Variants in SPOCK3 observed in about 807,000 individuals in gnomAD.
SPOCK3 encodes the protein testican-3.
SPOCK3 carries 30 observed loss-of-function variants against 56.6 expected under a neutral mutation model. The observed-to-expected ratio is 0.53, with a 90% CI of 0.40 to 0.72. The LOEUF (loss-of-function observed/expected upper bound fraction) is 0.72. Among genes scored for constraint, SPOCK3 ranks in the 30% least tolerant of loss-of-function variants. SPOCK3 has a pLI of 0.00. For synonymous variants in SPOCK3, 196 were observed against 183.3 expected, an observed-to-expected ratio of 1.07 and a Z score of -0.56; for missense variants, 527 against 530.0, an observed-to-expected ratio of 0.99 and a Z score of 0.06.
At chr4:167,189,999 T>C (rs1298434236) in intron 2 of SPOCK3, among the ~76,000 whole-genome samples, 1 of 146,100 alleles carries the variant, frequency 6.8e-6, no homozygotes, top group African/African-American at 2.6e-5. Context: ...CCATTGTACA[T>C]ATATATCACT....
chr4:167,222,611 T>C (rs1328170110), intron 2 of SPOCK3, among the ~76,000 whole-genome samples: 1 of 139,506 alleles, frequency 7.2e-6, no homozygotes, highest in African/African-American at 2.6e-5. Flanking sequence ...ACATATGTTA[T>C]ATATTTATAT....
chr4:167,064,373 A>G (rs1326763474), intron 2 of SPOCK3, among the ~76,000 whole-genome samples: 3 of 151,868 alleles, frequency 2.0e-5, no homozygotes, highest in African/African-American at 7.2e-5. Flanking sequence ...CTACTGGATA[A>G]TTAATAAACA....
At chr4:166,818,057 C>A (rs893533574) in intron 6 of SPOCK3, among the ~76,000 whole-genome samples, 14 of 152,058 alleles carry the variant, frequency 9.2e-5, no homozygotes, top group African/African-American at 1.9e-4. Flanking sequence ...AGATTACACA[C>A]TTATCACTTT....
At chr4:167,177,921 C>A (rs367606472) in intron 2 of SPOCK3, among the ~76,000 whole-genome samples, 1 of 152,126 alleles carries the variant, frequency 6.6e-6, no homozygotes, top group Non-Finnish European at 1.5e-5. Context: ...ATTTCAAGTT[C>A]TTTTTCCAAA....
chr4:167,115,600 T>C (rs992684441), intron 2 of SPOCK3, among the ~76,000 whole-genome samples: 1 of 151,840 alleles, frequency 6.6e-6, no homozygotes, highest in African/African-American at 2.4e-5. Flanking sequence ...TGTTGGGGAA[T>C]AGAAACAAAC....
intron 6 of SPOCK3, among the ~76,000 whole-genome samples, chr4:166,813,466 T>C (rs866223063): frequency 1.4e-3 from 218 of 152,054 alleles, no homozygotes; most frequent in African/African-American, 5.1e-3. Context: ...AACTAGAAGT[T>C]TATTATCAAA....
chr4:167,212,847 G>A (rs1735013570), intron 2 of SPOCK3, among the ~76,000 whole-genome samples: 1 of 152,036 alleles, frequency 6.6e-6, no homozygotes, highest in Non-Finnish European at 1.5e-5. Context: ...TATACTCTAG[G>A]GTATTAGAAA....
chr4:166,929,333 T>G (rs1365050429), intron 4 of SPOCK3, among the ~76,000 whole-genome samples: 1 of 152,180 alleles, frequency 6.6e-6, no homozygotes, highest in Non-Finnish European at 1.5e-5. Context: ...TTTGATGATT[T>G]TCATGCATAT....
intron 6 of SPOCK3, among the ~76,000 whole-genome samples, chr4:166,841,057 C>T (rs1295358372): frequency 2.0e-5 from 3 of 151,648 alleles, no homozygotes; most frequent in Non-Finnish European, 2.9e-5. Flanking sequence ...GGATTACAGG[C>T]GTAAGCCCCC....
At chr4:166,797,322 T>A (rs1361726683) in intron 6 of SPOCK3, among the ~76,000 whole-genome samples, 77 of 133,712 alleles carry the variant, frequency 5.8e-4, no homozygotes, top group Non-Finnish European at 8.2e-4. Context: ...TTTTTTTTTT[T>A]AAACAAAGCT....
At chr4:166,797,655 A>C (rs1209249509) in intron 6 of SPOCK3, among the ~76,000 whole-genome samples, 1 of 151,942 alleles carries the variant, frequency 6.6e-6, no homozygotes, top group African/African-American at 2.4e-5. Flanking sequence ...AGTATTAAAA[A>C]CTTATTTTTT....
intron 2 of SPOCK3, among the ~76,000 whole-genome samples, chr4:167,154,027 GT>G (rs1210540897): frequency 1.3e-5 from 2 of 151,982 alleles, no homozygotes; most frequent in Non-Finnish European, 2.9e-5. Flanking sequence ...TGCTCTCTCT[GT>G]TAAGGATCAC....
chr4:166,953,391 T>C (rs1057044690), intron 4 of SPOCK3, among the ~76,000 whole-genome samples: 15 of 151,758 alleles, frequency 9.9e-5, no homozygotes, highest in Non-Finnish European at 2.2e-4. Context: ...TGAGATACCA[T>C]CTCACACCAG....
chr4:167,053,307 T>C (rs1754413887), intron 3 of SPOCK3, among the ~76,000 whole-genome samples: 1 of 152,158 alleles, frequency 6.6e-6, no homozygotes, highest in African/African-American at 2.4e-5. Context: ...GCCGTGTATC[T>C]GTCTCTCATG....
chr4:166,800,183 G>GAAATAAAAAAAAAAAA (rs1742413958), intron 6 of SPOCK3, among the ~76,000 whole-genome samples: 1 of 51,776 alleles, frequency 1.9e-5, no homozygotes, highest in Non-Finnish European at 3.6e-5. Context: ...CTCCATCTCA[G>GAAATAAAAAAAAAAAA]AAAAAAAAAA....
At chr4:166,935,280 G>A (rs1214100179) in intron 4 of SPOCK3, among the ~76,000 whole-genome samples, 3 of 152,048 alleles carry the variant, frequency 2.0e-5, no homozygotes, top group Admixed American at 6.6e-5. Flanking sequence ...CCTCAGCAAA[G>A]GGCAGGCTTG....
chr4:167,183,761 C>T (rs776708143), intron 2 of SPOCK3, among the ~76,000 whole-genome samples: 8 of 152,178 alleles, frequency 5.3e-5, no homozygotes, highest in Non-Finnish European at 1.0e-4. Context: ...ATTTATCAGA[C>T]TGTAAATAAG....
At chr4:167,000,228 T>C in intron 4 of SPOCK3, 121 bp downstream of exon 4, 1 of 494,968 alleles carries the variant, frequency 2.0e-6, no homozygotes, top group East Asian at 3.3e-5. Flanking sequence ...TAAGCTTCTG[T>C]AACTGTTTCA....
chr4:167,039,410 G>A (rs1194851439), intron 3 of SPOCK3, among the ~76,000 whole-genome samples: 2 of 152,008 alleles, frequency 1.3e-5, no homozygotes, highest in Admixed American at 1.3e-4. Flanking sequence ...TACTTCATAG[G>A]TGACAATAAC....
Sources: allele counts gnomAD v4.1 joint callset (sites outside exome capture counted in the v4.1 genomes callset), GRCh38; gene constraint gnomAD v4.1.1; transcripts MANE v1.5; gene names NCBI Gene and HGNC (gene_info 2026-07-23, HGNC 2026-07-21).